PRKN: variants seen among roughly 807,000 people sequenced by gnomAD.
PRKN encodes the protein E3 ubiquitin-protein ligase parkin.
PRKN carries 56 observed loss-of-function variants against 59.5 expected under a neutral mutation model. The observed-to-expected ratio is 0.94, with a 90% CI of 0.76 to 1.18. The LOEUF is 1.18. Ranked by LOEUF, PRKN falls within the 50% of genes most tolerant of loss-of-function variation. The pLI, the probability that PRKN is intolerant of heterozygous loss-of-function variation, is 0.00. For synonymous variants in PRKN, 250 were observed against 222.1 expected (o/e 1.13, Z -1.12); for missense variants, 657 against 596.4 (o/e 1.10, Z -1.06).
chr6:162,002,240 T>C (rs1455030934), intron 5 of PRKN, among the ~76,000 whole-genome samples: 1 of 152,036 alleles, frequency 6.6e-6, no homozygotes, highest in East Asian at 1.9e-4. Context: ...TGGTAAAATT[T>C]CTTCCTTAAA....
chr6:161,700,523 T>C (rs1175914085), intron 7 of PRKN, among the ~76,000 whole-genome samples: 1 of 152,154 alleles, frequency 6.6e-6, no homozygotes, highest in Non-Finnish European at 1.5e-5. Flanking sequence ...GGACCTGATG[T>C]ATATCAGGTA....
intron 7 of PRKN, among the ~76,000 whole-genome samples, chr6:161,675,797 A>C (rs1046910155): frequency 3.3e-5 from 5 of 152,264 alleles, no homozygotes; most frequent in African/African-American, 1.2e-4. Context: ...AGAAATAAAG[A>C]CATAAAATAT....
In PRKN at chr6:161,497,080, C is replaced by G. The variant is rs957110853; in HGVS notation, c.1083+51774G>C. On this transcript the variant is annotated intron_variant, in intron 9 of 11. Coordinates refer to ENST00000366898, the MANE Select transcript of PRKN (RefSeq NM_004562.3). The surrounding 1 kb of genome is among the most constrained non-coding windows in gnomAD (Gnocchi z 4.6). ...AACCCGTCACAAACCTGCTGGCATG[C>G]CCGTTCCTCCTGGCTACGACTCCAC... is the stretch of plus-strand genomic sequence containing the variant. Among the ~76,000 whole-genome samples, 3 of 152,226 alleles carry G rather than the reference C, an allele frequency of 2.0e-5. No homozygotes were observed. Among genetic ancestry groups the G allele is most frequent in the African/African-American group, 7.2e-5 (3 of 41,458 alleles).
chr6:161,840,443 CTCTT>C (rs1231849702), intron 6 of PRKN, among the ~76,000 whole-genome samples: 1 of 152,188 alleles, frequency 6.6e-6, no homozygotes, highest in African/African-American at 2.4e-5. Flanking sequence ...ATCCATTCCG[CTCTT>C]TCTTTTTAAC....
intron 5 of PRKN, among the ~76,000 whole-genome samples, chr6:162,044,513 A>G (rs967419730): frequency 2.6e-5 from 4 of 152,102 alleles, no homozygotes; most frequent in Admixed American, 6.6e-5. Flanking sequence ...GCCCTGTTTC[A>G]TGTCCTCTTA....
At chr6:161,757,048 G>C (rs1413468158) in intron 7 of PRKN, among the ~76,000 whole-genome samples, 2 of 152,028 alleles carry the variant, frequency 1.3e-5, no homozygotes, top group Non-Finnish European at 2.9e-5. Context: ...TAATATAAAA[G>C]AAACTTTGAT....
intron 3 of PRKN, among the ~76,000 whole-genome samples, chr6:162,217,955 C>A (rs892949938): frequency 6.6e-6 from 1 of 152,112 alleles, no homozygotes; most frequent in African/African-American, 2.4e-5. Context: ...AACATTCTGG[C>A]AGGATCTCTA....
chr6:162,471,971 T>G (rs1791769007), intron 1 of PRKN, among the ~76,000 whole-genome samples: 1 of 152,220 alleles, frequency 6.6e-6, no homozygotes, highest in Non-Finnish European at 1.5e-5. Flanking sequence ...GCATCCTTGC[T>G]GGGCACCTGG....
chr6:162,670,826 G>A, intron 1 of PRKN, among the ~76,000 whole-genome samples: 1 of 152,096 alleles, frequency 6.6e-6, no homozygotes, highest in Admixed American at 6.5e-5. Flanking sequence ...TGAAGCAATT[G>A]GTTGAACCAT....
Position 161,562,630 on chromosome 6 carries a change from A to G in PRKN, c.933+6725T>C, listed in dbSNP as rs903950733. On this transcript the variant is annotated intron_variant, in intron 8 of 11. Coordinates refer to ENST00000366898, the MANE Select transcript of PRKN (RefSeq NM_004562.3). The surrounding 1 kb of genome is among the most constrained non-coding windows in gnomAD (Gnocchi z 4.3). ...CCTTCTCCATGCTTCAGGCATAGCA[A>G]ATGTGTTCAGAATTGAAGCTCAGAT... 5.9e-5 allele frequency among the ~76,000 whole-genome samples: 9 copies of G among 152,076 alleles called. No homozygotes were observed. Among genetic ancestry groups the G allele is most frequent in the African/African-American group, 2.2e-4 (9 of 41,404 alleles).
intron 3 of PRKN, among the ~76,000 whole-genome samples, chr6:162,216,897 G>A (rs939880438): frequency 2.0e-5 from 3 of 152,098 alleles, no homozygotes; most frequent in African/African-American, 4.8e-5. Context: ...TCAGGGTTTT[G>A]GAAGAAACTG....
At chr6:161,821,095 T>C (rs2128216148) in intron 6 of PRKN, among the ~76,000 whole-genome samples, 1 of 152,252 alleles carries the variant, frequency 6.6e-6, no homozygotes, top group African/African-American at 2.4e-5. Flanking sequence ...TATTATATGT[T>C]TTCATTAAAA....
intron 7 of PRKN, among the ~76,000 whole-genome samples, chr6:161,784,263 G>A (rs1371983817): frequency 6.6e-6 from 1 of 152,122 alleles, no homozygotes. Flanking sequence ...GACACAAAAA[G>A]TATTAGCAAC....
chr6:161,637,756 CT>C (rs368870426), intron 7 of PRKN, among the ~76,000 whole-genome samples: 1 of 151,298 alleles, frequency 6.6e-6, no homozygotes, highest in East Asian at 1.9e-4. Flanking sequence ...AAGTTAAGTT[CT>C]TTGGATTGGC....
At chr6:162,155,158 C>T (rs1782454322) in intron 4 of PRKN, among the ~76,000 whole-genome samples, 1 of 151,434 alleles carries the variant, frequency 6.6e-6, no homozygotes, top group South Asian at 2.1e-4. Flanking sequence ...AAAATTACTT[C>T]CCATTAGGAG....
At chr6:161,689,078 G>C (rs1437404763) in intron 7 of PRKN, among the ~76,000 whole-genome samples, 1 of 152,034 alleles carries the variant, frequency 6.6e-6, no homozygotes, top group East Asian at 1.9e-4. Flanking sequence ...AGCACTCCCT[G>C]ATTTCTTCTA....
chr6:162,679,347 G>GCC (rs1274652923), intron 1 of PRKN, among the ~76,000 whole-genome samples: 1 of 151,904 alleles, frequency 6.6e-6, no homozygotes. Context: ...CAAGTGATCC[G>GCC]CCCACCTCGG....
intron 4 of PRKN, among the ~76,000 whole-genome samples, chr6:162,143,254 T>G (rs1781866007): frequency 6.6e-6 from 1 of 152,214 alleles, no homozygotes; most frequent in South Asian, 2.1e-4. Flanking sequence ...GCTAATGAAA[T>G]GTTGGCAGAA....
At chr6:162,430,970 G>A (rs1789491050) in intron 2 of PRKN, among the ~76,000 whole-genome samples, 1 of 152,136 alleles carries the variant, frequency 6.6e-6, no homozygotes, top group Non-Finnish European at 1.5e-5. Flanking sequence ...GCAAATTCCA[G>A]TTGTGTGTGC....
Sources: gnomAD v4.1 joint callset for allele counts (sites outside exome capture counted in the v4.1 genomes callset) on GRCh38, gnomAD v4.1.1 for gene constraint, Gnocchi (gnomAD v3.1) non-coding constraint, MANE v1.5 for transcripts, NCBI Gene and HGNC (gene_info 2026-07-23, HGNC 2026-07-21) for gene names.